SPMIP5: variants seen among roughly 807,000 people sequenced by gnomAD.
SPMIP5 encodes sperm-associated microtubule inner protein 5.
the SPMIP5 span, chr10:116,664,962 C>T: frequency 6.3e-7 from 1 of 1,597,634 alleles, no homozygotes. Context: ...AAAAAGACAC[C>T]ATGGCACAGA....
At chr10:116,665,087 GC>G in the SPMIP5 span, 3 of 1,429,948 alleles carry the variant, frequency 2.1e-6, no homozygotes, top group East Asian at 7.6e-5. Context: ...CCAGGACTGT[GC>G]CCCCTCCCCT....
the SPMIP5 span, chr10:116,663,725 T>C: frequency 3.1e-6 from 2 of 647,032 alleles, no homozygotes; most frequent in East Asian, 5.9e-5. Flanking sequence ...TATTCCCACA[T>C]GACAAAAAAC....
the SPMIP5 span, among the ~76,000 whole-genome samples, chr10:116,663,181 CAAAAAA>C: frequency 2.1e-5 from 2 of 96,924 alleles, no homozygotes; most frequent in South Asian, 3.4e-4. Flanking sequence ...GATTCTGTCT[CAAAAAA>C]AAAAAAAAAA....
the SPMIP5 span, chr10:116,668,318 C>G: frequency 6.2e-7 from 1 of 1,611,238 alleles, no homozygotes; most frequent in Non-Finnish European, 8.5e-7. Context: ...TCCATGATTT[C>G]GCTCTCTGTT....
At chr10:116,665,080 G>T in the SPMIP5 span, 2 of 1,448,654 alleles carry the variant, frequency 1.4e-6, no homozygotes, top group South Asian at 3.0e-5. Flanking sequence ...TCCCTAACCA[G>T]GACTGTGCCC....
At chr10:116,666,720 T>C in the SPMIP5 span, among the ~76,000 whole-genome samples, 1 of 152,136 alleles carries the variant, frequency 6.6e-6, no homozygotes, top group South Asian at 2.1e-4. Context: ...CCCCAACCCT[T>C]GGATGATTAA....
chr10:116,665,417 A>T, the SPMIP5 span: 1 of 568,666 alleles, frequency 1.8e-6, no homozygotes, highest in Non-Finnish European at 3.0e-6. Context: ...AAAAAAAAAA[A>T]AAAAGAAAAA....
At chr10:116,664,189 C>A in the SPMIP5 span, 1 of 1,614,078 alleles carries the variant, frequency 6.2e-7, no homozygotes, top group East Asian at 2.2e-5. Flanking sequence ...ATAGAAAAAT[C>A]GGGATATTTT....
At chr10:116,664,315 A>ATTCTATTCT in the SPMIP5 span, 1 of 1,306,214 alleles carries the variant, frequency 7.7e-7, no homozygotes, top group Non-Finnish European at 1.1e-6. Flanking sequence ...CCTTTTATTA[A>ATTCTATTCT]GAATAGAATA....
At chr10:116,664,420 CCCT>C in the SPMIP5 span, 1 of 806,628 alleles carries the variant, frequency 1.2e-6, no homozygotes, top group East Asian at 2.8e-5. Flanking sequence ...GTAAAGATCA[CCCT>C]CCTCATTTCG....
At chr10:116,664,596 G>T in the SPMIP5 span, 1 of 1,338,160 alleles carries the variant, frequency 7.5e-7, no homozygotes, top group Non-Finnish European at 9.9e-7. Flanking sequence ...GAGGGCACCT[G>T]CCTACTGGGG....
At chr10:116,665,125 T>C in the SPMIP5 span, 103 of 1,379,056 alleles carry the variant, frequency 7.5e-5, no homozygotes, top group Non-Finnish European at 9.1e-5. Context: ...GGCCAGCCTC[T>C]GTGGCTCATG....
chr10:116,664,143 T>C, the SPMIP5 span: 1 of 1,613,964 alleles, frequency 6.2e-7, no homozygotes, highest in Admixed American at 1.7e-5. Context: ...TTTAAAACGG[T>C]AGTAGGAAGG....
At chr10:116,662,407 G>A in the SPMIP5 span, among the ~76,000 whole-genome samples, 1 of 152,138 alleles carries the variant, frequency 6.6e-6, no homozygotes, top group Non-Finnish European at 1.5e-5. Flanking sequence ...GTGGTTTGTT[G>A]CCTGCATTCA....
chr10:116,665,404 CAAAAAAA>C, the SPMIP5 span: 7 of 286,678 alleles, frequency 2.4e-5, no homozygotes, highest in Admixed American at 6.2e-5. Context: ...GACTCCGTCT[CAAAAAAA>C]AAAAAAAAAA....
chr10:116,667,295 C>A, the SPMIP5 span, among the ~76,000 whole-genome samples: 2 of 152,200 alleles, frequency 1.3e-5, no homozygotes, highest in African/African-American at 4.8e-5. Context: ...AAGAGCATGG[C>A]CCTGCGGGCA....
chr10:116,669,483 A>C, the SPMIP5 span, among the ~76,000 whole-genome samples: 1 of 152,126 alleles, frequency 6.6e-6, no homozygotes, highest in South Asian at 2.1e-4. Context: ...AAAGCTTTCC[A>C]CGCTTGTTTA....
At chr10:116,666,942 T>C in the SPMIP5 span, among the ~76,000 whole-genome samples, 1 of 152,234 alleles carries the variant, frequency 6.6e-6, no homozygotes, top group Non-Finnish European at 1.5e-5. Flanking sequence ...AATCTTATGG[T>C]ATCCCATGTA....
chr10:116,668,238 C>T, the SPMIP5 span: 34 of 1,610,626 alleles, frequency 2.1e-5, 4 homozygotes, highest in South Asian at 3.5e-4. Flanking sequence ...GGCACAGCTG[C>T]AGGGTACGTC....
Sources: gnomAD v4.1 joint callset for allele counts (sites outside exome capture counted in the v4.1 genomes callset) on GRCh38, gnomAD v4.1.1 for gene constraint, MANE v1.5 for transcripts, NCBI Gene and HGNC (gene_info 2026-07-23, HGNC 2026-07-21) for gene names.